The following NEK1 variants were observed in gnomAD, a reference collection of about 807,000 sequenced individuals.
NEK1 encodes serine/threonine-protein kinase Nek1.
NEK1 carries 137 observed loss-of-function variants against 182.1 expected under a neutral mutation model. The observed-to-expected ratio is 0.75, with a 90% CI of 0.65 to 0.87. NEK1 has a LOEUF of 0.87. Among genes scored for constraint, NEK1 ranks in the 40% least tolerant of loss-of-function variants. NEK1 has a pLI of 0.00. For synonymous variants in NEK1, 513 were observed against 492.2 expected (o/e 1.04, Z -0.56); for missense variants, 1,391 against 1,494.4 (o/e 0.93, Z 1.14).
At chr4:169,536,494 T>C (rs1163952955) in intron 19 of NEK1, among the ~76,000 whole-genome samples, 2 of 152,060 alleles carry the variant, frequency 1.3e-5, no homozygotes, top group Non-Finnish European at 2.9e-5. Context: ...AGTCAAAATA[T>C]TTGTTAACAA....
intron 23 of NEK1, among the ~76,000 whole-genome samples, chr4:169,503,494 A>C (rs1752747375): frequency 6.6e-6 from 1 of 152,208 alleles, no homozygotes; most frequent in Non-Finnish European, 1.5e-5. Flanking sequence ...TGTAACCAAA[A>C]CAGCATGGTG....
At chr4:169,506,175 T>C (rs1201594190) in intron 23 of NEK1, among the ~76,000 whole-genome samples, 1 of 144,894 alleles carries the variant, frequency 6.9e-6, no homozygotes, top group East Asian at 2.0e-4. Context: ...AAAAGGAGAG[T>C]AAAGGGGAAA....
At position 169,393,179 on chromosome 4, in the gene NEK1, C is replaced by CGAA. The variant is rs1354366569; in HGVS notation, c.*1330_*1331insTTC. ...TTTCTTCCATTATGAAGAAAGAAATCATCAGGTACAAAACCAACAAAAGTA... is the reference window on the plus strand; with the variant it reads ...TTTCTTCCATTATGAAGAAAGAAATCGAAATCAGGTACAAAACCAACAAAAGTA... On this transcript the variant is annotated 3_prime_UTR_variant, in exon 36 of 36. Transcript: ENST00000507142. 1.3e-5 allele frequency: 2 copies of CGAA among 152,052 alleles called. No individual in the cohort carries two copies. Among genetic ancestry groups the CGAA allele is most frequent in the Admixed American group, 6.5e-5 (1 of 15,272 alleles). 9.4% of individuals were successfully genotyped at this position (152,052 alleles called of 1,614,324 possible).
chr4:169,504,733 A>T (rs1466722816), intron 23 of NEK1, among the ~76,000 whole-genome samples: 2 of 152,208 alleles, frequency 1.3e-5, no homozygotes, highest in Non-Finnish European at 2.9e-5. Flanking sequence ...CAAAAGCTGG[A>T]AAGGGTAGTG....
At chr4:169,450,484 G>A (rs1213140975) in intron 27 of NEK1, among the ~76,000 whole-genome samples, 1 of 152,200 alleles carries the variant, frequency 6.6e-6, no homozygotes, top group Non-Finnish European at 1.5e-5. Flanking sequence ...AGATCTCTCG[G>A]CAGAAATCCT....
rs55740606 is a variant in NEK1 at position 169,400,611 on chromosome 4, A to G, written c.3624T>C (p.Asp1208=). 9.7e-4 allele frequency: 1,556 copies of G among 1,603,594 alleles called. 10 individuals are homozygous for G. The African/African-American group carries it at 0.018, about 19-fold the overall frequency. Residue 1208 remains aspartate, a synonymous_variant, in exon 34 of 36, where the codon GAT becomes GAC. Transcript: ENST00000507142. ...DGEIASECEC[D]SVFNHLEELR... ...GTTCCTCTAAATGGTTAAAGACACT[A>G]TCGCATTCACATTCACTAGCAATTT...
intron 8 of NEK1, among the ~76,000 whole-genome samples, chr4:169,588,204 G>A (rs1048026865): frequency 6.6e-6 from 1 of 152,046 alleles, no homozygotes; most frequent in Non-Finnish European, 1.5e-5. Flanking sequence ...TAGACTCAAG[G>A]ATTTCAAAGA....
At chr4:169,541,985 C>T (rs1759503426) in intron 18 of NEK1, among the ~76,000 whole-genome samples, 1 of 152,094 alleles carries the variant, frequency 6.6e-6, no homozygotes, top group South Asian at 2.1e-4. Context: ...AAGTTTGCTC[C>T]TTTAACCATG....
At chr4:169,426,934 TA>T (rs1240526573) in intron 29 of NEK1, among the ~76,000 whole-genome samples, 5 of 151,672 alleles carry the variant, frequency 3.3e-5, no homozygotes, top group African/African-American at 1.2e-4. Flanking sequence ...GAAAAAAAAA[TA>T]AAAAAGAACT....
intron 19 of NEK1, among the ~76,000 whole-genome samples, chr4:169,528,158 T>C (rs1040227200): frequency 6.6e-6 from 1 of 152,158 alleles, no homozygotes; most frequent in African/African-American, 2.4e-5. Flanking sequence ...CCTGAGAGTG[T>C]GGGGAGGACC....
chr4:169,401,121 G>A (rs4352441), intron 33 of NEK1, among the ~76,000 whole-genome samples: 133,515 of 152,212 alleles, frequency 0.88, 58,614 homozygotes, highest in Middle Eastern at 0.94. Flanking sequence ...TGTCATGTAC[G>A]TGCTCGACAT....
intron 19 of NEK1, among the ~76,000 whole-genome samples, chr4:169,527,090 C>G (rs1349462232): frequency 6.6e-6 from 1 of 152,040 alleles, no homozygotes; most frequent in South Asian, 2.1e-4. Flanking sequence ...AGATTAACTA[C>G]AAGAGAAAAA....
At position 169,590,717 on chromosome 4, in the gene NEK1, A is replaced by G. The variant is rs1768326427; in HGVS notation, c.396+9T>C. On this transcript the variant is annotated intron_variant, in intron 6 of 35. Transcript: ENST00000507142. The stretch of plus-strand genomic sequence containing the variant: ...CCATTCAGAAGTTATCAGTGACAGA[A>G]TAACATACCTGAGATTTAATGTCTC... 6 of 1,569,218 alleles carry G rather than the reference A, an allele frequency of 3.8e-6. No individual in the cohort carries two copies. Among genetic ancestry groups the G allele is most frequent in the South Asian group, 1.2e-5 (1 of 85,764 alleles).
rs1325912083 is a variant in NEK1, at chr4:169,477,479, T to C, written c.2158A>G (p.Thr720Ala). ...EVGVDSSLTD[T>A]RETSEEMQKT... is the part of the protein sequence containing the mutation. The stretch of plus-strand genomic sequence containing the variant: ...TGCATCTCTTCTGAAGTTTCCCGGG[T>C]ATCAGTTAAACTACTGTCCTTTAAA... The change falls in exon 25 of 36, where the codon ACC (threonine) becomes GCC (alanine). Residue 720 changes from threonine (T) to alanine (A), a missense_variant. This residue lies in a region of NEK1 where 1,216 missense variants were observed against 1,277.6 expected (regional missense o/e 0.95). Coordinates refer to ENST00000507142, the MANE Select transcript of NEK1 (RefSeq NM_001199397.3). 1.3e-6 allele frequency: 2 copies of C among 1,509,758 alleles called. No homozygotes were observed. Among genetic ancestry groups the C allele is most frequent in the African/African-American group, 1.4e-5 (1 of 72,948 alleles). 93.5% of individuals were successfully genotyped at this position (1,509,758 alleles called of 1,614,324 possible).
At chr4:169,433,501 A>G in intron 29 of NEK1, 44 bp downstream of exon 29, 1 of 1,563,866 alleles carries the variant, frequency 6.4e-7, no homozygotes, top group Non-Finnish European at 8.6e-7. Context: ...AAGTTATTAC[A>G]AAAGGGACCT....
At chr4:169,535,617 G>A (rs552676156) in intron 19 of NEK1, among the ~76,000 whole-genome samples, 8 of 152,080 alleles carry the variant, frequency 5.3e-5, no homozygotes, top group South Asian at 2.1e-4. Flanking sequence ...GTGGGCTCAC[G>A]TCTGTAATCC....
At chr4:169,532,778 GA>G (rs950850920) in intron 19 of NEK1, among the ~76,000 whole-genome samples, 18 of 89,018 alleles carry the variant, frequency 2.0e-4, no homozygotes, top group Non-Finnish European at 2.9e-4. Context: ...TATCTCTACT[GA>G]AAAAAAAAAT....
At position 169,508,812 on chromosome 4, in the gene NEK1, G is replaced by C; in HGVS notation, c.1706C>G (p.Pro569Arg). The change falls in exon 20 of 36, where the codon CCC becomes CGC. Residue 569 changes from proline to arginine, a missense_variant. By Grantham distance (103) the Pro-to-Arg change is moderately radical (BLOSUM62 -2). Coordinates refer to ENST00000507142, the MANE Select transcript of NEK1 (RefSeq NM_001199397.3). Reference protein sequence around the residue: ...QNLAAMYGGRPSSSRGGKPRN... With the variant: ...QNLAAMYGGRRSSSRGGKPRN... ...TGGCTTCCCTCCTCTTGAAGAGCTG[G>C]GCCTGCCTCCATACATAGCTGCCAG... 1.3e-6 allele frequency: 2 copies of C among 1,591,290 alleles called. No individual in the cohort carries two copies. The highest frequency in any genetic ancestry group is 1.7e-6 in the Non-Finnish European group (2 of 1,176,560).
At chr4:169,395,816 G>T (rs576214048) in intron 35 of NEK1, among the ~76,000 whole-genome samples, 2 of 152,216 alleles carry the variant, frequency 1.3e-5, no homozygotes, top group South Asian at 4.2e-4. Context: ...TGAAATTGAT[G>T]TGTATTCTTC....
Sources: gnomAD v4.1 joint callset for allele counts (sites outside exome capture counted in the v4.1 genomes callset) on GRCh38, gnomAD v4.1.1 for gene constraint, gnomAD v4.1.1 regional missense constraint, MANE v1.5 for transcripts, NCBI Gene and HGNC (gene_info 2026-07-23, HGNC 2026-07-21) for gene names.